Variants in RBM44 observed in about 807,000 individuals in gnomAD.
RBM44 encodes RNA binding motif protein 44, also known as RNA-binding protein 44.
RBM44 carries 66 observed loss-of-function variants against 105.1 expected under a neutral mutation model. The ratio of observed to expected loss-of-function variants is 0.63; its 90% CI spans 0.52 to 0.77. The LOEUF is 0.77. RBM44 is among the 30% of genes least tolerant of loss of function. The pLI, the probability that RBM44 is intolerant of heterozygous loss-of-function variation, is 0.00. For missense variants in RBM44, 1,122 were observed against 1,207.8 expected, an observed-to-expected ratio of 0.93 and a Z score of 1.05; for synonymous variants, 365 against 417.6, an observed-to-expected ratio of 0.87 and a Z score of 1.54.
At position 237,831,246 on chromosome 2, in the gene RBM44, G is replaced by T. The variant is rs866957336; in HGVS notation, c.2886+1744G>T. 5.8e-3 allele frequency among the ~76,000 whole-genome samples: 676 copies of T among 116,552 alleles called. 19 individuals are homozygous for T. The highest frequency in any genetic ancestry group is 0.02 in the African/African-American group (570 of 28,944). 76.5% of individuals were successfully genotyped at this position (116,552 alleles called of 152,430 possible). A position where few individuals can be genotyped will look rare whatever the true frequency, so the allele number is the denominator to read the frequency against. On this transcript the variant is annotated intron_variant, in intron 13 of 15. Coordinates refer to ENST00000316997, the MANE Select transcript of RBM44 (RefSeq NM_001080504.3). Reference sequence around the variant, plus strand: ...CATCCTTATTTGTCCTTTTTTTTGGGGGGGGGGGGGTTTGTCTTTGTTTTT... The same window carrying T: ...CATCCTTATTTGTCCTTTTTTTTGGTGGGGGGGGGGTTTGTCTTTGTTTTT...
In RBM44 at chr2:237,838,334, T is replaced by C. The variant is rs539512350; in HGVS notation, c.*23-3505T>C. ...GTAAAATAACTAATTATCTTGCAAA[T>C]AAAAAAACTAAGATAATTTGTTACT... On this transcript the variant is annotated intron_variant, in intron 15 of 15. Coordinates refer to ENST00000316997, the MANE Select transcript of RBM44 (RefSeq NM_001080504.3). Among the ~76,000 whole-genome samples the C allele has an allele frequency of 1.3e-5, 2 of 152,042 alleles. 1 individual carries two copies. The highest frequency in any genetic ancestry group is 4.1e-4 in the South Asian group (2 of 4,824).
chr2:237,817,743 A>G lies in RBM44; in HGVS notation c.824A>G (p.Asp275Gly), dbSNP rs373719672. The change falls in exon 3 of 16, where the codon GAC (aspartate) becomes GGC (glycine). Residue 275 changes from aspartate to glycine, a missense_variant. Around this residue, in one of 3 missense-constraint regions of RBM44, gnomAD observed 918 missense variants for 955.3 expected, o/e 0.96. Transcript: ENST00000316997. ...TCTGTTATGTTAAGAGAATATCATGACCTAAAGCATGAAAAGTATAAGGAA... is the reference window on the plus strand; with the variant it reads ...TCTGTTATGTTAAGAGAATATCATGGCCTAAAGCATGAAAAGTATAAGGAA... The part of the protein sequence containing the change: ...QNSVMLREYH[D>G]LKHEKYKEQE... The G allele has an allele frequency of 1.2e-6, 2 of 1,611,906 alleles. No individual in the cohort carries two copies. The highest frequency in any genetic ancestry group is 1.7e-6 in the Non-Finnish European group (2 of 1,178,946).
At chr2:237,810,198 G>A (rs896586125) in intron 1 of RBM44, among the ~76,000 whole-genome samples, 4 of 152,202 alleles carry the variant, frequency 2.6e-5, no homozygotes, top group African/African-American at 9.7e-5. Context: ...AGATTAACCA[G>A]ATTTCAAGTG....
At chr2:237,827,804 A>G (rs1303983625) in intron 12 of RBM44, among the ~76,000 whole-genome samples, 3 of 152,168 alleles carry the variant, frequency 2.0e-5, no homozygotes, top group Non-Finnish European at 4.4e-5. Context: ...CATTAGGTAA[A>G]AGAACGGCTT....
rs2061881703 is a variant in RBM44 at position 237,829,437 on chromosome 2, T to TTGCCC, written c.2822_2826dup (p.Arg943CysfsTer50). ...CCACTCAGAATTCTCCATTTCTAGATTGCCCAGAACTAGGCCACGGCAGCT... is the reference window on the plus strand; with the variant it reads ...CCACTCAGAATTCTCCATTTCTAGATTGCCCTGCCCAGAACTAGGCCACGGCAGCT... On this transcript the variant is annotated frameshift_variant, in exon 13 of 16. Coordinates refer to ENST00000316997, the MANE Select transcript of RBM44 (RefSeq NM_001080504.3). LOFTEE classifies it high-confidence loss of function. 6.2e-7 allele frequency: 1 copy of TTGCCC among 1,613,774 alleles called. No homozygotes were observed. The highest frequency in any genetic ancestry group is 1.3e-5 in the African/African-American group (1 of 75,032).
Position 237,816,464 on chromosome 2 carries a change from A to T in RBM44, c.74-529A>T, listed in dbSNP as rs541535022. Among the ~76,000 whole-genome samples, 8 of 152,288 alleles carry T rather than the reference A, an allele frequency of 5.3e-5. No homozygotes were observed. The South Asian group carries it at 1.7e-3, about 32-fold the overall frequency. ...CCCTGTAAACAGTAAATTTCTTCCCATCGAAAGAATTCAAGAAAATCTTAG... is the reference window on the plus strand; with the variant it reads ...CCCTGTAAACAGTAAATTTCTTCCCTTCGAAAGAATTCAAGAAAATCTTAG... On this transcript the variant is annotated intron_variant, in intron 2 of 15. Transcript: ENST00000316997.
intron 1 of RBM44, among the ~76,000 whole-genome samples, chr2:237,799,718 T>G (rs2061526790): frequency 6.6e-6 from 1 of 152,224 alleles, no homozygotes. Context: ...TATTCAGATT[T>G]TAATCTGTCT....
chr2:237,834,570 T>C (rs2061937926), intron 15 of RBM44, 147 bp downstream of exon 15: 1 of 380,116 alleles, frequency 2.6e-6, no homozygotes, highest in African/African-American at 2.2e-5. Context: ...AAGCATACTG[T>C]AATTAGTTAA....
At position 237,817,967 on chromosome 2, in the gene RBM44, A is replaced by G; in HGVS notation, c.1048A>G (p.Lys350Glu). ...TTGTGGAAATAAAATTGTTGAGAACAAAATATTACTGCACCTTGAAAATCC... is the reference window on the plus strand; with the variant it reads ...TTGTGGAAATAAAATTGTTGAGAACGAAATATTACTGCACCTTGAAAATCC... ...DFCGNKIVEN[K>E]ILLHLENPST... The change falls in exon 3 of 16, where the codon AAA (lysine) becomes GAA (glutamate). Residue 350 changes from lysine to glutamate, a missense_variant. Around this residue, in one of 3 missense-constraint regions of RBM44, gnomAD observed 918 missense variants for 955.3 expected, o/e 0.96. Coordinates refer to ENST00000316997, the MANE Select transcript of RBM44 (RefSeq NM_001080504.3). The G allele has an allele frequency of 6.2e-7, 1 of 1,609,846 alleles. No individual in the cohort carries two copies. The highest frequency in any genetic ancestry group is 2.2e-5 in the East Asian group (1 of 44,844).
intron 1 of RBM44, among the ~76,000 whole-genome samples, chr2:237,810,419 T>G (rs2061647450): frequency 1.3e-5 from 2 of 152,236 alleles, no homozygotes; most frequent in African/African-American, 4.8e-5. Context: ...TCTGTTGCAG[T>G]CACTGTGGTC....
chr2:237,827,252 A>T lies in RBM44; in HGVS notation c.2452A>T (p.Met818Leu). The T allele has an allele frequency of 6.4e-7, 1 of 1,554,632 alleles. No homozygotes were observed. Among genetic ancestry groups the T allele is most frequent in the South Asian group, 1.2e-5 (1 of 85,576 alleles). The change falls in exon 11 of 16, where the codon ATG becomes TTG. Residue 818 changes from methionine to leucine, a missense_variant and splice_region_variant. By Grantham distance (15) the Met-to-Leu change is conservative (BLOSUM62 2). Around this residue, in one of 3 missense-constraint regions of RBM44, gnomAD observed 918 missense variants for 955.3 expected, o/e 0.96. Transcript: ENST00000316997. Reference sequence around the variant, plus strand: ...GTTACATGTTTTTCTCTAAGCAGAAATGAAGAATGTTGAACCCTCACAAAG... The same window carrying T: ...GTTACATGTTTTTCTCTAAGCAGAATTGAAGAATGTTGAACCCTCACAAAG... Reference protein sequence around the residue: ...DTWNLDLTGEMKNVEPSQRDK... With the variant: ...DTWNLDLTGELKNVEPSQRDK...
intron 13 of RBM44, among the ~76,000 whole-genome samples, chr2:237,833,243 A>T (rs2061920155): frequency 6.6e-6 from 1 of 152,222 alleles, no homozygotes; most frequent in South Asian, 2.1e-4. Flanking sequence ...CAAGTGAAAG[A>T]TACAATGTTC....
At chr2:237,838,450 G>A (rs1355369216) in intron 15 of RBM44, among the ~76,000 whole-genome samples, 1 of 152,200 alleles carries the variant, frequency 6.6e-6, no homozygotes, top group African/African-American at 2.4e-5. Context: ...CAGGAGACAT[G>A]AAGATCAACG....
rs1453369309 is a variant in RBM44, at chr2:237,841,366, T to C, written c.*23-473T>C. 1.3e-5 allele frequency among the ~76,000 whole-genome samples: 2 copies of C among 152,022 alleles called. No homozygotes were observed. Among genetic ancestry groups the C allele is most frequent in the Non-Finnish European group, 2.9e-5 (2 of 67,998 alleles). On this transcript the variant is annotated intron_variant, in intron 15 of 15. Transcript: ENST00000316997. The surrounding 1 kb of genome is among the most constrained non-coding windows in gnomAD (Gnocchi z 4.5). The stretch of plus-strand genomic sequence containing the variant: ...CTTACTTATAAATGGCAGCTAAACT[T>C]TGAGTACACATGGACAAAGAAGGGA...
At position 237,818,794 on chromosome 2, in the gene RBM44, C is replaced by G. The variant is rs1204161447; in HGVS notation, c.1678-107C>G. On this transcript the variant is annotated intron_variant, in intron 3 of 15. Transcript: ENST00000316997. This position sits in a 1 kb window ranked among gnomAD's most constrained non-coding sequence, Gnocchi z 4.6. ...ATTACCACCAGTTCTATCCTCCTCT[C>G]CTGGCAGCTCCTCCCACAAAATCCA... 1.5e-5 allele frequency: 10 copies of G among 687,950 alleles called. No individual in the cohort carries two copies. The highest frequency in any genetic ancestry group is 4.8e-6 in the Non-Finnish European group (2 of 418,378). The allele number at this position is 687,950 out of a possible 1,614,324, so 42.6% of individuals were successfully genotyped here.
chr2:237,827,008 A>G (rs2061853990), intron 10 of RBM44, among the ~76,000 whole-genome samples: 1 of 152,176 alleles, frequency 6.6e-6, no homozygotes, highest in Admixed American at 6.5e-5. Context: ...TTTTTGAGCT[A>G]CAAGAGACTT....
In RBM44 at chr2:237,818,480, A is replaced by G; in HGVS notation, c.1561A>G (p.Ser521Gly). ...TGAGAAACAAAAAAGTGTGGCTTGTAGTACAGATTGGTCATACAGTGAAGA... is the reference window on the plus strand; with the variant it reads ...TGAGAAACAAAAAAGTGTGGCTTGTGGTACAGATTGGTCATACAGTGAAGA... ...QNEKQKSVAC[S>G]TDWSYSEDCI... The change falls in exon 3 of 16, where the codon AGT (serine) becomes GGT (glycine). Residue 521 changes from serine to glycine, a missense_variant. Transcript: ENST00000316997. This position sits in a 1 kb window ranked among gnomAD's most constrained non-coding sequence, Gnocchi z 4.6. The G allele has an allele frequency of 1.2e-6, 2 of 1,612,750 alleles. No homozygotes were observed. Among genetic ancestry groups the G allele is most frequent in the Non-Finnish European group, 1.7e-6 (2 of 1,179,302 alleles).
intron 1 of RBM44, among the ~76,000 whole-genome samples, chr2:237,805,762 T>A (rs1402560984): frequency 6.6e-6 from 1 of 152,166 alleles, no homozygotes; most frequent in Non-Finnish European, 1.5e-5. Flanking sequence ...CCCAGGAGTT[T>A]GAGACCCGCC....
chr2:237,816,509 T>G (rs2061718303), intron 2 of RBM44, among the ~76,000 whole-genome samples: 1 of 152,184 alleles, frequency 6.6e-6, no homozygotes, highest in African/African-American at 2.4e-5. Flanking sequence ...TAGGTCAGGC[T>G]GCCATAACAA....
Sources: gnomAD v4.1 joint callset for allele counts (sites outside exome capture counted in the v4.1 genomes callset) on GRCh38, gnomAD v4.1.1 for gene constraint, gnomAD v4.1.1 regional missense constraint, Gnocchi (gnomAD v3.1) non-coding constraint, MANE v1.5 for transcripts, NCBI Gene and HGNC (gene_info 2026-07-23, HGNC 2026-07-21) for gene names.